The following RAB3GAP1 variants were observed in gnomAD, a reference collection of about 807,000 sequenced individuals.
The protein encoded by RAB3GAP1 is rab3 GTPase-activating protein catalytic subunit.
A neutral mutation model predicts 130.7 loss-of-function variants in RAB3GAP1; 86 were observed. That is an observed-to-expected ratio of 0.66 (90% CI 0.55 to 0.79). The LOEUF is 0.79. Among genes scored for constraint, RAB3GAP1 ranks in the 30% least tolerant of loss-of-function variants. RAB3GAP1 has a pLI of 0.00. For synonymous variants in RAB3GAP1, 367 were observed against 401.7 expected, an observed-to-expected ratio of 0.91 and a Z score of 1.03; for missense variants, 1,029 against 1,169.4, an observed-to-expected ratio of 0.88 and a Z score of 1.75.
At chr2:135,124,139 G>C (rs1449738729) in intron 8 of RAB3GAP1, 26 bp from the exon 9 acceptor site, 1 of 1,596,530 alleles carries the variant, frequency 6.3e-7, no homozygotes, top group Non-Finnish European at 8.6e-7. Context: ...TTTCCCAAAT[G>C]ATGGAAAAAT....
intron 7 of RAB3GAP1, among the ~76,000 whole-genome samples, chr2:135,117,570 G>GCTTCTTCTTCTTCTTCTGCTTCTT (rs1289347100): frequency 4.8e-5 from 1 of 20,902 alleles, no homozygotes; most frequent in Non-Finnish European, 1.2e-4. Context: ...TTCTTCTTCT[G>GCTTCTTCTTCTTCTTCTGCTTCTT]CTTCTTCTTC....
chr2:135,149,851 G>T (rs1692121273), intron 17 of RAB3GAP1, among the ~76,000 whole-genome samples: 1 of 152,050 alleles, frequency 6.6e-6, no homozygotes, highest in African/African-American at 2.4e-5. Context: ...TAGAGACAGG[G>T]TTTCACCGTG....
intron 23 of RAB3GAP1, among the ~76,000 whole-genome samples, chr2:135,165,336 A>G (rs1692606690): frequency 6.6e-6 from 1 of 152,184 alleles, no homozygotes; most frequent in African/African-American, 2.4e-5. Context: ...GATAATTCTC[A>G]GTTCAGGGCT....
At chr2:135,124,005 A>G (rs1468973927) in intron 8 of RAB3GAP1, 160 bp from the exon 9 acceptor site, 10 of 631,172 alleles carry the variant, frequency 1.6e-5, no homozygotes, top group Admixed American at 2.7e-5. Flanking sequence ...GAAGTCAAAT[A>G]TTGTTAGACT....
At chr2:135,119,966 C>A (rs1486993568) in intron 7 of RAB3GAP1, among the ~76,000 whole-genome samples, 1 of 152,272 alleles carries the variant, frequency 6.6e-6, no homozygotes, top group East Asian at 1.9e-4. Flanking sequence ...ACAGATAAAT[C>A]TAAGTTTTCT....
intron 11 of RAB3GAP1, among the ~76,000 whole-genome samples, chr2:135,127,638 G>A (rs779678231): frequency 2.0e-5 from 3 of 151,918 alleles, no homozygotes; most frequent in Admixed American, 6.6e-5. Context: ...CGCCGCACCC[G>A]ACCTGAAGAG....
chr2:135,067,960 G>C (rs1689367157), intron 3 of RAB3GAP1, among the ~76,000 whole-genome samples: 1 of 152,006 alleles, frequency 6.6e-6, no homozygotes, highest in Admixed American at 6.6e-5. Context: ...GGCTAGTCTT[G>C]AATTCCTGGG....
chr2:135,110,524 G>A (rs1201018535), intron 5 of RAB3GAP1, among the ~76,000 whole-genome samples: 1 of 152,188 alleles, frequency 6.6e-6, no homozygotes, highest in Non-Finnish European at 1.5e-5. Flanking sequence ...ATAGATAGAG[G>A]AAAGAAAGGC....
At position 135,113,181 on chromosome 2, in the gene RAB3GAP1, C is replaced by T. The variant is rs779596900; in HGVS notation, c.393C>T (p.Ala131=). 3.7e-6 allele frequency: 6 copies of T among 1,613,980 alleles called. No homozygotes were observed. Among genetic ancestry groups the T allele is most frequent in the South Asian group, 3.3e-5 (3 of 91,064 alleles). ...GGCTACGTGAGTTCGTGGTGATTGC[C>T]CCTGCTGCACACAGTGACGCTGTTC... ...WYGLREFVVI[A]PAAHSDAVLS... Residue 131 remains alanine, a synonymous_variant, in exon 6 of 24, where the codon GCC becomes GCT. Coordinates refer to ENST00000264158, the MANE Select transcript of RAB3GAP1 (RefSeq NM_012233.3).
intron 19 of RAB3GAP1, among the ~76,000 whole-genome samples, chr2:135,158,358 G>A (rs1206151173): frequency 6.6e-6 from 1 of 151,934 alleles, no homozygotes; most frequent in East Asian, 1.9e-4. Context: ...TGGATTGCTC[G>A]ACACTAAGGA....
chr2:135,080,287 T>C (rs1689757555), intron 3 of RAB3GAP1, among the ~76,000 whole-genome samples: 1 of 152,194 alleles, frequency 6.6e-6, no homozygotes, highest in South Asian at 2.1e-4. Context: ...CTGCTTTTAC[T>C]TTAAAAAATA....
At chr2:135,113,024 A>G in intron 5 of RAB3GAP1, 127 bp from the exon 6 acceptor site, 1 of 1,329,150 alleles carries the variant, frequency 7.5e-7, no homozygotes. Context: ...TGCCATTAAA[A>G]GAAACACTTT....
intron 8 of RAB3GAP1, among the ~76,000 whole-genome samples, chr2:135,121,640 T>A (rs1691204652): frequency 6.6e-6 from 1 of 152,236 alleles, no homozygotes; most frequent in African/African-American, 2.4e-5. Context: ...ATACAAACTT[T>A]TAAAATATAA....
At chr2:135,085,129 C>G (rs1689936372) in intron 3 of RAB3GAP1, among the ~76,000 whole-genome samples, 1 of 152,096 alleles carries the variant, frequency 6.6e-6, no homozygotes, top group Admixed American at 6.5e-5. Flanking sequence ...GGAAAAGGGT[C>G]AGATCTGTAA....
chr2:135,121,361 T>C (rs535070604), intron 8 of RAB3GAP1, among the ~76,000 whole-genome samples: 1 of 152,302 alleles, frequency 6.6e-6, no homozygotes, highest in East Asian at 1.9e-4. Flanking sequence ...AAGAAAAATA[T>C]ATGTAGGGGA....
chr2:135,124,134 C>G (rs1199384306), intron 8 of RAB3GAP1, 31 bp from the exon 9 acceptor site: 1 of 1,589,562 alleles, frequency 6.3e-7, no homozygotes, highest in Non-Finnish European at 8.6e-7. Flanking sequence ...TATTTTTTCC[C>G]AAATGATGGA....
rs1297682144 is a variant in RAB3GAP1, at chr2:135,052,420, C to T, written c.19-10C>T. The T allele has an allele frequency of 1.9e-6, 3 of 1,614,112 alleles. No individual in the cohort carries two copies. The highest frequency in any genetic ancestry group is 1.1e-5 in the South Asian group (1 of 91,076). ...CTTAATTTCTTTTTCTCTCCTTCCCCTTCCCGCAGCCCGAATCCGAGGTAT... is the reference window on the plus strand; with the variant it reads ...CTTAATTTCTTTTTCTCTCCTTCCCTTTCCCGCAGCCCGAATCCGAGGTAT... On this transcript the variant is annotated splice_polypyrimidine_tract_variant and intron_variant, in intron 1 of 23. Transcript: ENST00000264158.
At chr2:135,057,307 G>A (rs1689041167) in intron 2 of RAB3GAP1, among the ~76,000 whole-genome samples, 1 of 152,038 alleles carries the variant, frequency 6.6e-6, no homozygotes, top group African/African-American at 2.4e-5. Context: ...GGGGCTGGGG[G>A]GGTAAATCGG....
At chr2:135,132,452 C>T (rs1048309226) in intron 13 of RAB3GAP1, among the ~76,000 whole-genome samples, 1 of 152,150 alleles carries the variant, frequency 6.6e-6, no homozygotes, top group African/African-American at 2.4e-5. Flanking sequence ...TGAATATCAT[C>T]TCTTAGTAGT....
Sources: gnomAD v4.1 joint callset for allele counts (sites outside exome capture counted in the v4.1 genomes callset) on GRCh38, gnomAD v4.1.1 for gene constraint, MANE v1.5 for transcripts, NCBI Gene and HGNC (gene_info 2026-07-23, HGNC 2026-07-21) for gene names.